Variants in SMAGP observed in about 807,000 individuals in gnomAD.
SMAGP encodes the protein small cell adhesion glycoprotein, also known as small cell transmembrane and glycosylated protein.
In SMAGP, 7 loss-of-function variants were observed where a neutral mutation model predicts 10.1. The observed-to-expected ratio is 0.70, with a 90% CI of 0.40 to 1.31. The LOEUF is 1.31. SMAGP is among the 50% of genes most tolerant of loss of function. The pLI is 0.01. For missense variants in SMAGP, 113 were observed against 116.5 expected (o/e 0.97, Z 0.14); for synonymous variants, 49 against 47.2 (o/e 1.04, Z -0.16).
intron 2 of SMAGP, among the ~76,000 whole-genome samples, chr12:51,256,526 A>T (rs7316347): frequency 0.68 from 102,824 of 151,968 alleles, 38,653 homozygotes; most frequent in Non-Finnish European, 0.86. Context: ...GTTCAAGACC[A>T]GCCTGACCAA....
rs1263574999 is a variant in SMAGP, at chr12:51,248,915, A to C, written c.35-2084T>G. Among the ~76,000 whole-genome samples, 932 of 141,756 alleles carry C rather than the reference A, an allele frequency of 6.6e-3. 10 individuals carry two copies. Among genetic ancestry groups the C allele is most frequent in the Non-Finnish European group, 0.01 (677 of 64,652 alleles). 93.0% of individuals were successfully genotyped at this position (141,756 alleles called of 152,430 possible). A position where few individuals can be genotyped will look rare whatever the true frequency, so the allele number is the denominator to read the frequency against. On this transcript the variant is annotated intron_variant, in intron 2 of 3. Coordinates refer to ENST00000603798, the MANE Select transcript of SMAGP (RefSeq NM_001031628.2). Reference sequence around the variant, plus strand: ...AAAAATACCACAAAAAAAAAAAAAAAAAAAAAAAAAAAAAAATAGCCAAGT... The same window carrying C: ...AAAAATACCACAAAAAAAAAAAAAACAAAAAAAAAAAAAAAATAGCCAAGT...
rs556773393 is a variant in SMAGP, at chr12:51,262,869, T to C, written c.34+6376A>G. On this transcript the variant is annotated intron_variant, in intron 2 of 3. Transcript: ENST00000603798. ...CCAGCCTACTTATTTGCTCTAGACC[T>C]GCCCAGCAGAGGGCGGCTCCCCGAG... Among the ~76,000 whole-genome samples, 3 of 152,286 alleles carry C rather than the reference T, an allele frequency of 2.0e-5. No homozygotes were observed. In the South Asian group the frequency reaches 6.2e-4, roughly 32 times the overall value.
At chr12:51,249,854 T>G (rs988338999) in intron 2 of SMAGP, among the ~76,000 whole-genome samples, 5 of 151,692 alleles carry the variant, frequency 3.3e-5, no homozygotes, top group Admixed American at 3.3e-4. Context: ...TGGCCTCGAG[T>G]GATCCACCTG....
chr12:51,257,539 G>A (rs1175212210), intron 2 of SMAGP, among the ~76,000 whole-genome samples: 1 of 149,528 alleles, frequency 6.7e-6, no homozygotes, highest in Non-Finnish European at 1.5e-5. Context: ...AACATAGTGA[G>A]ACCTTTGTAT....
At chr12:51,246,928 C>A in intron 2 of SMAGP, 97 bp from the exon 3 acceptor site, 1 of 810,970 alleles carries the variant, frequency 1.2e-6, no homozygotes, top group South Asian at 2.1e-5. Context: ...ACCTTCTTCC[C>A]TATTCAAAAG....
Position 51,246,849 on chromosome 12 carries a change from G to C in SMAGP, c.35-18C>G, listed in dbSNP as rs1348068265. On this transcript the variant is annotated intron_variant, in intron 2 of 3. Transcript: ENST00000603798. Reference sequence around the variant, plus strand: ...CAGTTCTTCTGGAAAATGTAGAAAAGTGGAAAAGGAAATGGAGTGAATTCT... The same window carrying C: ...CAGTTCTTCTGGAAAATGTAGAAAACTGGAAAAGGAAATGGAGTGAATTCT... 1.3e-6 allele frequency: 2 copies of C among 1,536,154 alleles called. No homozygotes were observed. The highest frequency in any genetic ancestry group is 1.8e-6 in the Non-Finnish European group (2 of 1,139,448).
chr12:51,245,837 A>G lies in SMAGP; in HGVS notation c.*104T>C. The G allele has an allele frequency of 3.7e-6, 5 of 1,354,428 alleles. No individual in the cohort carries two copies. The highest frequency in any genetic ancestry group is 5.0e-6 in the Non-Finnish European group (5 of 997,860). The allele number at this position is 1,354,428 out of a possible 1,614,324, so 83.9% of individuals were successfully genotyped here. ...CTGGCTGGAGCTTGGATTTGCCCAC[A>G]TCAATCAATGCTTCTCCCTGGCTTC... On this transcript the variant is annotated 3_prime_UTR_variant, in exon 4 of 4. Coordinates refer to ENST00000603798, the MANE Select transcript of SMAGP (RefSeq NM_001031628.2).
chr12:51,251,983 A>G (rs574592225), intron 2 of SMAGP, among the ~76,000 whole-genome samples: 1 of 152,374 alleles, frequency 6.6e-6, no homozygotes, highest in Non-Finnish European at 1.5e-5. Context: ...GCTATTGGTC[A>G]GTTTCCACTT....
At chr12:51,268,285 A>G (rs1592238815) in intron 2 of SMAGP, among the ~76,000 whole-genome samples, 1 of 151,914 alleles carries the variant, frequency 6.6e-6, no homozygotes, top group Middle Eastern at 3.4e-3. Context: ...GATACTACAC[A>G]CTCTTCTAGG....
rs1050354444 is a variant in SMAGP at position 51,254,818 on chromosome 12, G to T, written c.35-7987C>A. ...CAAGTTCATGGGAGGGCTGTCCACA[G>T]CACTGAAAAACACCCCGGGGCCAGG... On this transcript the variant is annotated intron_variant, in intron 2 of 3. Coordinates refer to ENST00000603798, the MANE Select transcript of SMAGP (RefSeq NM_001031628.2). Among the ~76,000 whole-genome samples, 7 of 152,162 alleles carry T rather than the reference G, an allele frequency of 4.6e-5. No individual in the cohort carries two copies. The South Asian group carries it at 1.4e-3, about 31-fold the overall frequency.
chr12:51,252,976 T>C (rs1178205000), intron 2 of SMAGP, among the ~76,000 whole-genome samples: 1 of 151,928 alleles, frequency 6.6e-6, no homozygotes, highest in African/African-American at 2.4e-5. Flanking sequence ...AACTTGTAAA[T>C]GGGATTTCTG....
intron 2 of SMAGP, chr12:51,253,427 G>A (rs1944858419): frequency 6.6e-6 from 1 of 151,980 alleles, no homozygotes; most frequent in South Asian, 2.1e-4. Context: ...CCACTTCTAG[G>A]TATATACCCA....
intron 2 of SMAGP, among the ~76,000 whole-genome samples, chr12:51,247,516 A>C (rs1189494024): frequency 6.6e-6 from 1 of 152,152 alleles, no homozygotes; most frequent in Non-Finnish European, 1.5e-5. Flanking sequence ...CAGAGCGTGA[A>C]AGTCCCACCC....
At chr12:51,258,280 A>T (rs1234393999) in intron 2 of SMAGP, among the ~76,000 whole-genome samples, 1 of 152,222 alleles carries the variant, frequency 6.6e-6, no homozygotes, top group Non-Finnish European at 1.5e-5. Flanking sequence ...ATCAGAAAAC[A>T]TACAACAACA....
chr12:51,246,688 T>A, intron 3 of SMAGP, 63 bp downstream of exon 3: 1 of 1,330,922 alleles, frequency 7.5e-7, no homozygotes, highest in Non-Finnish European at 1.0e-6. Flanking sequence ...TTGGTCAGGC[T>A]CCCTCTGGAG....
intron 2 of SMAGP, among the ~76,000 whole-genome samples, chr12:51,258,325 TA>T (rs1944903352): frequency 6.6e-6 from 1 of 152,200 alleles, no homozygotes; most frequent in Non-Finnish European, 1.5e-5. Flanking sequence ...TGCATGCCTG[TA>T]ATCCCAGCAT....
At chr12:51,267,496 CTTTT>C (rs5798165) in intron 2 of SMAGP, among the ~76,000 whole-genome samples, 3 of 93,402 alleles carry the variant, frequency 3.2e-5, no homozygotes, top group Non-Finnish European at 4.3e-5. Flanking sequence ...CCCCCTAACT[CTTTT>C]TTTTTTTTTT....
chr12:51,264,460 T>C lies in SMAGP; in HGVS notation c.34+4785A>G, dbSNP rs549586471. Among the ~76,000 whole-genome samples, 3 of 152,108 alleles carry C rather than the reference T, an allele frequency of 2.0e-5. No homozygotes were observed. The South Asian group carries it at 6.2e-4, about 32-fold the overall frequency. ...GAGCAACATAGCAAAACCCTATCTCTACAAAAAATTTTAAAATTAGCTGGG... is the reference window on the plus strand; with the variant it reads ...GAGCAACATAGCAAAACCCTATCTCCACAAAAAATTTTAAAATTAGCTGGG... On this transcript the variant is annotated intron_variant, in intron 2 of 3. Transcript: ENST00000603798.
chr12:51,250,149 C>A (rs1001108702), intron 2 of SMAGP, among the ~76,000 whole-genome samples: 1 of 146,446 alleles, frequency 6.8e-6, no homozygotes, highest in Non-Finnish European at 1.5e-5. Context: ...GTGGGAAGAT[C>A]GCTTGAGGCC....
Sources: gnomAD v4.1 joint callset for allele counts (sites outside exome capture counted in the v4.1 genomes callset) on GRCh38, gnomAD v4.1.1 for gene constraint, MANE v1.5 for transcripts, NCBI Gene and HGNC (gene_info 2026-07-23, HGNC 2026-07-21) for gene names.